Variants in PDE5A observed in about 807,000 individuals in gnomAD.
The protein encoded by PDE5A is cGMP-specific 3',5'-cyclic phosphodiesterase.
A neutral mutation model predicts 110.2 loss-of-function variants in PDE5A; 67 were observed. That is an observed-to-expected ratio of 0.61 (90% confidence interval 0.50 to 0.75). The LOEUF (loss-of-function observed/expected upper bound fraction) is 0.75. Ranked by LOEUF, PDE5A falls within the 30% of genes least tolerant of loss-of-function variation. PDE5A has a pLI of 0.00. For synonymous variants in PDE5A, 328 were observed against 351.2 expected (o/e 0.93, Z 0.74); for missense variants, 862 against 1,045.1 (o/e 0.82, Z 2.42).
intron 12 of PDE5A, among the ~76,000 whole-genome samples, chr4:119,522,901 C>T (rs17357002): frequency 0.028 from 4,328 of 151,940 alleles, 88 homozygotes; most frequent in South Asian, 0.068. Flanking sequence ...TTGAATCAGT[C>T]TCTAACAATT....
intron 3 of PDE5A, among the ~76,000 whole-genome samples, chr4:119,568,152 T>C (rs1213513140): frequency 1.3e-5 from 2 of 152,054 alleles, no homozygotes; most frequent in African/African-American, 4.8e-5. Flanking sequence ...CTTTTTTTTT[T>C]GCCCATATGG....
intron 3 of PDE5A, among the ~76,000 whole-genome samples, chr4:119,575,274 A>C (rs371648092): frequency 2.6e-5 from 4 of 152,320 alleles, no homozygotes; most frequent in South Asian, 2.1e-4. Context: ...AGGATATTAT[A>C]CAGGAGAACT....
chr4:119,557,573 A>G (rs1476867314), intron 7 of PDE5A, among the ~76,000 whole-genome samples: 1 of 152,184 alleles, frequency 6.6e-6, no homozygotes, highest in Non-Finnish European at 1.5e-5. Flanking sequence ...AATGTAAACC[A>G]AAGACAAATA....
At chr4:119,590,060 A>G (rs1479252142) in intron 3 of PDE5A, among the ~76,000 whole-genome samples, 1 of 152,154 alleles carries the variant, frequency 6.6e-6, no homozygotes, top group Non-Finnish European at 1.5e-5. Context: ...TCTTCTCTCT[A>G]TTATGACCCC....
At chr4:119,589,554 A>G (rs1728888828) in intron 3 of PDE5A, among the ~76,000 whole-genome samples, 7 of 152,230 alleles carry the variant, frequency 4.6e-5, no homozygotes, top group Admixed American at 4.6e-4. Flanking sequence ...CCCAGGTCTG[A>G]AAAATCCAGA....
chr4:119,520,912 A>T lies in PDE5A; in HGVS notation c.1905+23T>A, dbSNP rs760522360. 1.9e-6 allele frequency: 3 copies of T among 1,596,550 alleles called. No individual in the cohort carries two copies. The South Asian group carries it at 3.4e-5, about 18-fold the overall frequency. On this transcript the variant is annotated intron_variant, in intron 13 of 20. Coordinates refer to ENST00000354960, the MANE Select transcript of PDE5A (RefSeq NM_001083.4). ...TACTAAGCAACAAAATGTATTAGAT[A>T]TATGAATGGCTCTAAAAAGTACCTG...
intron 3 of PDE5A, among the ~76,000 whole-genome samples, chr4:119,575,519 G>T (rs982662120): frequency 6.6e-5 from 10 of 152,292 alleles, no homozygotes; most frequent in East Asian, 1.9e-4. Flanking sequence ...TGAAGAGAGT[G>T]GGGGCCAATA....
intron 9 of PDE5A, chr4:119,548,962 A>T (rs1326936579): frequency 6.6e-6 from 1 of 152,224 alleles, no homozygotes; most frequent in East Asian, 1.9e-4. Flanking sequence ...TTGCCAAGTG[A>T]TAAAATTTAA....
At chr4:119,618,911 C>A (rs1357541947) in intron 1 of PDE5A, among the ~76,000 whole-genome samples, 2 of 152,106 alleles carry the variant, frequency 1.3e-5, no homozygotes, top group Non-Finnish European at 2.9e-5. Context: ...CCTTGGACCT[C>A]AAAAATGTCC....
At chr4:119,555,659 TATC>T (rs1213734120) in intron 7 of PDE5A, among the ~76,000 whole-genome samples, 1 of 152,106 alleles carries the variant, frequency 6.6e-6, no homozygotes, top group East Asian at 1.9e-4. Context: ...TTATTTTAAT[TATC>T]ATCATCATTA....
At chr4:119,501,284 G>C in intron 19 of PDE5A, 31 bp from the exon 20 acceptor site, 2 of 1,216,788 alleles carry the variant, frequency 1.6e-6, no homozygotes, top group Admixed American at 1.7e-5. Flanking sequence ...CAGACACACA[G>C]ATGTGCATTT....
At chr4:119,570,970 A>G (rs1197331944) in intron 3 of PDE5A, among the ~76,000 whole-genome samples, 1 of 152,204 alleles carries the variant, frequency 6.6e-6, no homozygotes, top group African/African-American at 2.4e-5. Flanking sequence ...TCATTCTGCC[A>G]TAAATACTTT....
chr4:119,543,430 A>G (rs1180388240), intron 9 of PDE5A: 2 of 152,096 alleles, frequency 1.3e-5, no homozygotes, highest in Non-Finnish European at 2.9e-5. Context: ...CTCTGAGTAT[A>G]TAATAACAAA....
chr4:119,616,488 T>C (rs1729947438), intron 1 of PDE5A, among the ~76,000 whole-genome samples: 1 of 152,192 alleles, frequency 6.6e-6, no homozygotes, highest in Non-Finnish European at 1.5e-5. Flanking sequence ...CAGCTCAAAC[T>C]GCTTATAAAA....
rs55997249 is a variant in PDE5A at position 119,592,456 on chromosome 4, T to TAAAAAAAAAAA, written c.831+4056_831+4066dup. ...CTGGGTGACAGAGCGAGACTCTGTT[T>TAAAAAAAAAAA]AAAAAAAAAAAAAAAAAAAAAAAAA... On this transcript the variant is annotated intron_variant, in intron 3 of 20. Transcript: ENST00000354960. 9.4e-4 allele frequency among the ~76,000 whole-genome samples: 62 copies of TAAAAAAAAAAA among 66,182 alleles called. 4 individuals are homozygous for TAAAAAAAAAAA. Among genetic ancestry groups the TAAAAAAAAAAA allele is most frequent in the African/African-American group, 1.4e-3 (22 of 15,318 alleles). The allele number at this position is 66,182 out of a possible 152,430, so 43.4% of individuals were successfully genotyped here.
At chr4:119,514,851 A>G (rs1299385352) in intron 14 of PDE5A, among the ~76,000 whole-genome samples, 2 of 152,184 alleles carry the variant, frequency 1.3e-5, no homozygotes, top group Non-Finnish European at 1.5e-5. Context: ...AAAATCCCAG[A>G]AGATAGGTAT....
chr4:119,552,519 T>C, intron 9 of PDE5A, 31 bp downstream of exon 9: 1 of 847,328 alleles, frequency 1.2e-6, no homozygotes, highest in Non-Finnish European at 1.7e-6. Context: ...TAAAAATAAG[T>C]TTAGAGTATA....
intron 1 of PDE5A, chr4:119,628,018 C>T: frequency 1.0e-6 from 1 of 985,560 alleles, no homozygotes; most frequent in Non-Finnish European, 1.2e-6. Flanking sequence ...CGTCATGTTG[C>T]CTTTGGGCTG....
intron 3 of PDE5A, among the ~76,000 whole-genome samples, chr4:119,581,846 CTA>C (rs1728599562): frequency 6.6e-6 from 1 of 152,202 alleles, no homozygotes; most frequent in Non-Finnish European, 1.5e-5. Flanking sequence ...TGCAATAGCA[CTA>C]TGTCTAAAAA....
Sources: allele counts gnomAD v4.1 joint callset (sites outside exome capture counted in the v4.1 genomes callset), GRCh38; gene constraint gnomAD v4.1.1; transcripts MANE v1.5; gene names NCBI Gene and HGNC (gene_info 2026-07-23, HGNC 2026-07-21).